The following OSMR variants were observed in gnomAD, a reference collection of about 807,000 sequenced individuals.
The protein encoded by OSMR is oncostatin M receptor.
A neutral mutation model predicts 99.9 loss-of-function variants in OSMR; 81 were observed. That is an observed-to-expected ratio of 0.81 (90% confidence interval 0.68 to 0.97). The LOEUF (loss-of-function observed/expected upper bound fraction) is 0.97, where lower values mean the gene tolerates loss of function less well. Ranked by LOEUF, OSMR falls within the 50% of genes least tolerant of loss-of-function variation. The pLI is 0.00. For missense variants in OSMR, 1,099 were observed against 1,153.4 expected (o/e 0.95, Z 0.68); for synonymous variants, 406 against 410.4 (o/e 0.99, Z 0.13).
downstream of OSMR, chr5:38,940,573 C>A (rs1242670276): frequency 4.3e-6 from 1 of 232,382 alleles, no homozygotes; most frequent in African/African-American, 2.2e-5. Flanking sequence ...TTATCTTCAA[C>A]TGGATTTTAT....
intron 1 of OSMR, among the ~76,000 whole-genome samples, chr5:38,863,857 A>G (rs929806271): frequency 1.3e-5 from 2 of 152,200 alleles, no homozygotes; most frequent in African/African-American, 4.8e-5. Context: ...TTGGGTTCAC[A>G]TATATTTGGT....
intron 7 of OSMR, among the ~76,000 whole-genome samples, chr5:38,895,703 C>T (rs1417272984): frequency 2.0e-5 from 3 of 151,948 alleles, no homozygotes; most frequent in African/African-American, 7.2e-5. Flanking sequence ...GGGTATTACT[C>T]AAGAAATTTT....
At chr5:38,857,805 C>T (rs540908204) in intron 1 of OSMR, among the ~76,000 whole-genome samples, 3 of 151,954 alleles carry the variant, frequency 2.0e-5, no homozygotes, top group Non-Finnish European at 4.4e-5. Context: ...GTAGCTGGGA[C>T]TATGGAGGCG....
At chr5:38,860,625 A>C (rs1390675438) in intron 1 of OSMR, among the ~76,000 whole-genome samples, 1 of 151,888 alleles carries the variant, frequency 6.6e-6, no homozygotes, top group Non-Finnish European at 1.5e-5. Flanking sequence ...TTTTTTTTGA[A>C]TACTTTGAGA....
rs1490740703 is a variant in OSMR, at chr5:38,846,325, G to A, written c.-76G>A. ...GCCGCCTCTGCCCAGCGTTTGCTTG[G>A]CTGGGCTACCACCTGCGCTCGGACG... On this transcript the variant is annotated 5_prime_UTR_variant, in exon 1 of 18. Transcript: ENST00000274276. The A allele has an allele frequency of 6.6e-6, 1 of 152,282 alleles. No individual in the cohort carries two copies. Among genetic ancestry groups the A allele is most frequent in the African/African-American group, 2.4e-5 (1 of 41,470 alleles). The allele number at this position is 152,282 out of a possible 1,614,324, so 9.4% of individuals were successfully genotyped here. A position where few individuals can be genotyped will look rare whatever the true frequency, so the allele number is the denominator to read the frequency against.
chr5:38,898,983 G>T, intron 7 of OSMR, among the ~76,000 whole-genome samples: 1 of 103,012 alleles, frequency 9.7e-6, no homozygotes, highest in Non-Finnish European at 1.7e-5. Context: ...TTGAGACAGA[G>T]TCTCACCTGC....
intron 15 of OSMR, among the ~76,000 whole-genome samples, chr5:38,927,690 G>A (rs931767837): frequency 1.3e-5 from 2 of 152,154 alleles, no homozygotes; most frequent in Non-Finnish European, 2.9e-5. Flanking sequence ...ATGGCCTGGA[G>A]ACATTTTCTC....
chr5:38,912,767 A>T (rs1745666591), intron 9 of OSMR, among the ~76,000 whole-genome samples: 1 of 152,116 alleles, frequency 6.6e-6, no homozygotes, highest in South Asian at 2.1e-4. Flanking sequence ...CCAAAAACAA[A>T]ACTACACACC....
intron 14 of OSMR, 25 bp from the exon 15 acceptor site, chr5:38,925,179 A>G (rs769691684): frequency 1.8e-5 from 29 of 1,613,320 alleles, no homozygotes; most frequent in Non-Finnish European, 2.5e-5. Context: ...TTTCCTTGAA[A>G]AAAAAACCAT....
chr5:38,904,160 C>T (rs1579750509), intron 8 of OSMR, 136 bp downstream of exon 8: 6 of 1,529,040 alleles, frequency 3.9e-6, no homozygotes, highest in Admixed American at 4.3e-5. Flanking sequence ...TTAAAAGGTC[C>T]ATGAAATTAA....
intron 1 of OSMR, among the ~76,000 whole-genome samples, chr5:38,847,762 G>A (rs1739989473): frequency 6.6e-6 from 1 of 152,194 alleles, no homozygotes; most frequent in Non-Finnish European, 1.5e-5. Flanking sequence ...CTAGTTCTCT[G>A]CTGTAAATTG....
chr5:38,875,333 G>T (rs1300887374), intron 2 of OSMR, among the ~76,000 whole-genome samples: 2 of 152,162 alleles, frequency 1.3e-5, no homozygotes, highest in Non-Finnish European at 2.9e-5. Flanking sequence ...TCTTCTTTAA[G>T]AATCAGCAGT....
intron 2 of OSMR, 93 bp downstream of exon 2, chr5:38,869,210 C>G (rs1210934799): frequency 1.0e-6 from 1 of 960,998 alleles, no homozygotes; most frequent in Non-Finnish European, 1.7e-6. Context: ...GTTCTTTTTT[C>G]TTTGGGAATT....
At position 38,918,988 on chromosome 5, in the gene OSMR, T is replaced by G. The variant is rs773680332; in HGVS notation, c.1511T>G (p.Ile504Ser). The G allele has an allele frequency of 5.6e-6, 9 of 1,614,056 alleles. No individual in the cohort carries two copies. The highest frequency in any genetic ancestry group is 7.6e-6 in the Non-Finnish European group (9 of 1,180,028). The change falls in exon 11 of 18, where the codon ATC (isoleucine) becomes AGC (serine). Residue 504 changes from isoleucine to serine, a missense_variant. Ile to Ser is a moderately radical substitution (Grantham distance 142). Coordinates refer to ENST00000274276, the MANE Select transcript of OSMR (RefSeq NM_003999.3). ...KLILDRCSYQ[I>S]CVIANNSVGA... ...ATCCTTGACAGGTGTTCCTACCAAA[T>G]CTGCGTCATAGCCAACAACAGTGTG... is the stretch of plus-strand genomic sequence containing the variant.
intron 6 of OSMR, 39 bp downstream of exon 6, chr5:38,885,523 T>A (rs1474749372): frequency 6.2e-7 from 1 of 1,612,586 alleles, no homozygotes; most frequent in East Asian, 2.2e-5. Flanking sequence ...AACTTCTTCC[T>A]TGCTTGAGGT....
At chr5:38,868,583 T>C (rs1579660467) in intron 1 of OSMR, among the ~76,000 whole-genome samples, 1 of 152,316 alleles carries the variant, frequency 6.6e-6, no homozygotes, top group African/African-American at 2.4e-5. Flanking sequence ...GCTGCTGCCA[T>C]GTAAGAAGTA....
intron 1 of OSMR, among the ~76,000 whole-genome samples, chr5:38,851,370 G>A (rs1351726584): frequency 6.6e-6 from 1 of 152,126 alleles, no homozygotes; most frequent in Non-Finnish European, 1.5e-5. Context: ...TCAAGTAGAA[G>A]AGAGCAAGCC....
downstream of OSMR, among the ~76,000 whole-genome samples, chr5:38,937,107 T>C (rs146088021): frequency 4.6e-5 from 7 of 152,348 alleles, no homozygotes; most frequent in East Asian, 1.2e-3. The surrounding 1 kb of genome is among the most constrained non-coding windows in gnomAD (Gnocchi z 4.0). Context: ...CGATCTTGGC[T>C]CACTGCAAGC....
rs376371227 is a variant in OSMR, at chr5:38,876,360, A to G, written c.233A>G (p.Asn78Ser). 78 of 1,613,050 alleles carry G rather than the reference A, an allele frequency of 4.8e-5. No homozygotes were observed. The highest frequency in any genetic ancestry group is 2.5e-4 in the East Asian group (11 of 44,852). Residue 78 changes from asparagine to serine, a missense_variant, in exon 3 of 18, where the codon AAT becomes AGT. By Grantham distance (46) the Asn-to-Ser change is conservative. Coordinates refer to ENST00000274276, the MANE Select transcript of OSMR (RefSeq NM_003999.3). ...CAGATCAGTAGGATTGAAACATCCA[A>G]TGTCATCTGGGTGGTAAGTAATTTT... ...QIQISRIETS[N>S]VIWVGNYSTT...
Sources: allele counts gnomAD v4.1 joint callset (sites outside exome capture counted in the v4.1 genomes callset), GRCh38; gene constraint gnomAD v4.1.1; non-coding constraint Gnocchi (gnomAD v3.1); transcripts MANE v1.5; gene names NCBI Gene and HGNC (gene_info 2026-07-23, HGNC 2026-07-21).